The following HIVEP3 variants were observed in gnomAD, a reference collection of about 807,000 sequenced individuals.
HIVEP3 encodes the protein transcription factor HIVEP3.
Under a neutral mutation model 152.8 loss-of-function variants are expected in HIVEP3, and 49 were observed. The observed-to-expected ratio is 0.32, with a 90% confidence interval of 0.26 to 0.41. HIVEP3 has a LOEUF of 0.41. HIVEP3 is among the 10% of genes least tolerant of loss of function. The pLI is 1.00. For missense variants in HIVEP3, 2,790 were observed against 3,103.3 expected, an observed-to-expected ratio of 0.90 and a Z score of 2.40; for synonymous variants, 1,269 against 1,289.0, an observed-to-expected ratio of 0.98 and a Z score of 0.33.
In HIVEP3 at chr1:41,582,196, C is replaced by T. The variant is rs752488319; in HGVS notation, c.2602G>A (p.Asp868Asn). The T allele has an allele frequency of 1.1e-5, 17 of 1,614,036 alleles. No homozygotes were observed. In the South Asian group the frequency reaches 1.9e-4, roughly 18 times the overall value. The change falls in exon 4 of 9, where the codon GAC becomes AAC. Residue 868 changes from aspartate to asparagine, a missense_variant. Asp to Asn is a conservative substitution (Grantham distance 23, BLOSUM62 1). This residue lies in a region of HIVEP3 where 1,078 missense variants were observed against 1,165.3 expected (regional missense o/e 0.93). Coordinates refer to ENST00000372583, the MANE Select transcript of HIVEP3 (RefSeq NM_024503.5). This position sits in a 1 kb window ranked among gnomAD's most constrained non-coding sequence, Gnocchi z 4.7. ...TTAGGGGGCGGCTCTGGCTCTGTGT[C>T]CGGCCGGTCAGGCTCCTCAGTTACT... Reference protein sequence around the residue: ...ILVTEEPDRPDTEPEPPPKEP... With the variant: ...ILVTEEPDRPNTEPEPPPKEP...
chr1:41,780,177 T>A (rs1338448740), intron 1 of HIVEP3, among the ~76,000 whole-genome samples: 1 of 144,260 alleles, frequency 6.9e-6, no homozygotes, highest in Non-Finnish European at 1.5e-5. Context: ...GGTCTCAAAG[T>A]GGGGGCCAAG....
intron 1 of HIVEP3, among the ~76,000 whole-genome samples, chr1:41,851,343 G>C (rs1350271144): frequency 8.7e-6 from 1 of 115,394 alleles, no homozygotes; most frequent in Non-Finnish European, 1.6e-5. Flanking sequence ...TTGCTCTGTT[G>C]CCAGGCTGGC....
intron 3 of HIVEP3, among the ~76,000 whole-genome samples, chr1:41,589,373 G>A (rs560705993): frequency 6.6e-6 from 1 of 152,358 alleles, no homozygotes; most frequent in Non-Finnish European, 1.5e-5. Context: ...GCTTCCTTTG[G>A]TCTAGCTGTG....
intron 1 of HIVEP3, among the ~76,000 whole-genome samples, chr1:41,795,972 T>C (rs984351148): frequency 2.0e-5 from 3 of 152,198 alleles, no homozygotes; most frequent in Admixed American, 6.5e-5. Flanking sequence ...GAATGGTCTT[T>C]AGAGACTAAG....
chr1:41,524,846 C>T lies in HIVEP3; in HGVS notation c.5272G>A (p.Glu1758Lys). Residue 1758 changes from glutamate to lysine, a missense_variant, in exon 6 of 9, where the codon GAG becomes AAG. Glu to Lys is a moderately conservative substitution (Grantham distance 56). Transcript: ENST00000372583. ...GGCTTCTTGCAGCGAATTCCACACT[C>T]CTCACAAACATATTTCCCTCGGCCG... is the stretch of plus-strand genomic sequence containing the variant. Reference protein sequence around the residue: ...GRGRGKYVCEECGIRCKKPSM... With the variant: ...GRGRGKYVCEKCGIRCKKPSM... The T allele has an allele frequency of 6.2e-7, 1 of 1,614,158 alleles. No individual in the cohort carries two copies. The highest frequency in any genetic ancestry group is 8.5e-7 in the Non-Finnish European group (1 of 1,179,980).
intron 1 of HIVEP3, among the ~76,000 whole-genome samples, chr1:42,028,217 T>C (rs1645593189): frequency 6.6e-6 from 1 of 152,224 alleles, no homozygotes; most frequent in South Asian, 2.1e-4. Context: ...TATCTTTTCT[T>C]CCATCAAAAT....
At chr1:41,747,561 A>G (rs1647091699) in intron 1 of HIVEP3, among the ~76,000 whole-genome samples, 1 of 152,264 alleles carries the variant, frequency 6.6e-6, no homozygotes, top group Admixed American at 6.5e-5. Flanking sequence ...AGAGATCACC[A>G]CCATTCACAT....
intron 1 of HIVEP3, among the ~76,000 whole-genome samples, chr1:41,878,094 A>C (rs1298372963): frequency 6.6e-6 from 1 of 152,234 alleles, no homozygotes; most frequent in Non-Finnish European, 1.5e-5. Context: ...ACAAAGCCTA[A>C]TTTTATTTGT....
intron 1 of HIVEP3, among the ~76,000 whole-genome samples, chr1:41,798,793 T>G (rs765832814): frequency 1.7e-4 from 26 of 152,372 alleles, no homozygotes; most frequent in Non-Finnish European, 3.5e-4. Context: ...GTCATAGAGC[T>G]CACTTTCCAC....
chr1:41,537,852 G>C (rs891135046), intron 5 of HIVEP3, among the ~76,000 whole-genome samples: 2 of 152,198 alleles, frequency 1.3e-5, no homozygotes, highest in Non-Finnish European at 2.9e-5. Context: ...GAATTCCACG[G>C]CACGCAGGCA....
At chr1:41,877,403 CT>C (rs1644188043) in intron 1 of HIVEP3, among the ~76,000 whole-genome samples, 1 of 152,224 alleles carries the variant, frequency 6.6e-6, no homozygotes, top group South Asian at 2.1e-4. Context: ...TCCTCATAGC[CT>C]TTCACACCCT....
chr1:41,800,036 G>A (rs1650214218), intron 1 of HIVEP3, among the ~76,000 whole-genome samples: 1 of 152,132 alleles, frequency 6.6e-6, no homozygotes, highest in Non-Finnish European at 1.5e-5. Flanking sequence ...GGGCAGGCAG[G>A]GACAAGAGCA....
At chr1:41,958,138 G>A (rs369600214) in intron 1 of HIVEP3, among the ~76,000 whole-genome samples, 4 of 152,188 alleles carry the variant, frequency 2.6e-5, no homozygotes, top group African/African-American at 9.7e-5. Flanking sequence ...ATTTTGAGTG[G>A]CACCCAGGGC....
intron 2 of HIVEP3, among the ~76,000 whole-genome samples, chr1:41,646,811 C>T (rs902249737): frequency 2.0e-5 from 3 of 152,172 alleles, no homozygotes; most frequent in African/African-American, 7.2e-5. Flanking sequence ...TAAAACAACA[C>T]AAACTTATTA....
At chr1:41,599,507 C>T (rs1644715265) in intron 3 of HIVEP3, among the ~76,000 whole-genome samples, 1 of 152,064 alleles carries the variant, frequency 6.6e-6, no homozygotes, top group Non-Finnish European at 1.5e-5. Context: ...ATATTTGCAA[C>T]ACATGTTTGA....
At chr1:41,608,380 G>T (rs995200512) in intron 3 of HIVEP3, among the ~76,000 whole-genome samples, 1 of 152,214 alleles carries the variant, frequency 6.6e-6, no homozygotes, top group Non-Finnish European at 1.5e-5. Context: ...CATCCAGTCT[G>T]CTAGAGAGGT....
chr1:41,914,039 T>G (rs1429339637), intron 1 of HIVEP3, among the ~76,000 whole-genome samples: 5 of 152,190 alleles, frequency 3.3e-5, no homozygotes, highest in African/African-American at 1.2e-4. Context: ...ACTTCATATT[T>G]AGATATAAAG....
chr1:41,929,726 T>TTATATATATATATATATATATATATA (rs55663663), intron 1 of HIVEP3, among the ~76,000 whole-genome samples: 62 of 112,780 alleles, frequency 5.5e-4, no homozygotes, highest in Non-Finnish European at 7.7e-4. Flanking sequence ...ATATGTGTTT[T>TTATATATATATATATATATATATATA]TATATATATA....
intron 6 of HIVEP3, among the ~76,000 whole-genome samples, chr1:41,523,171 C>G (rs779890120): frequency 6.6e-6 from 1 of 152,242 alleles, no homozygotes; most frequent in Non-Finnish European, 1.5e-5. Context: ...CATAAAATCT[C>G]GACTGGCTGC....
Sources: gnomAD v4.1 joint callset for allele counts (sites outside exome capture counted in the v4.1 genomes callset) on GRCh38, gnomAD v4.1.1 for gene constraint, gnomAD v4.1.1 regional missense constraint, Gnocchi (gnomAD v3.1) non-coding constraint, MANE v1.5 for transcripts, NCBI Gene and HGNC (gene_info 2026-07-23, HGNC 2026-07-21) for gene names.